FGFR2: variants seen among roughly 807,000 people sequenced by gnomAD.
The protein encoded by FGFR2 is BEK fibroblast growth factor receptor.
Under a neutral mutation model 95.9 loss-of-function variants are expected in FGFR2, and 19 were observed. That is an observed-to-expected ratio of 0.20 (90% CI 0.14 to 0.29). FGFR2 has a LOEUF of 0.29. Among genes scored for constraint, FGFR2 ranks in the 10% least tolerant of loss-of-function variants. The pLI is 1.00. For missense variants in FGFR2, 707 were observed against 1,056.9 expected, an observed-to-expected ratio of 0.67 and a Z score of 4.59; for synonymous variants, 392 against 393.3, an observed-to-expected ratio of 1.00 and a Z score of 0.04.
rs1281483681 is a variant in FGFR2 at position 121,564,559 on chromosome 10, C to T, written c.397G>A (p.Asp133Asn). 4 of 1,614,080 alleles carry T rather than the reference C, an allele frequency of 2.5e-6. No individual in the cohort carries two copies. The highest frequency in any genetic ancestry group is 1.7e-5 in the Admixed American group (1 of 60,024). ...NVTDAISSGDDEDDTDGAEDF... is the reference protein window; with the variant it reads ...NVTDAISSGDNEDDTDGAEDF... Reference sequence around the variant, plus strand: ...TCCGCACCATCGGTGTCATCCTCATCATCTCCGGATGAGATGGCATCTGTA... The same window carrying T: ...TCCGCACCATCGGTGTCATCCTCATTATCTCCGGATGAGATGGCATCTGTA... Residue 133 changes from aspartate to asparagine, a missense_variant, in exon 4 of 18, where the codon GAT (aspartate) becomes AAT (asparagine). This residue lies in a region of FGFR2 where 178 missense variants were observed against 194.1 expected (regional missense o/e 0.92). Coordinates refer to ENST00000358487, the MANE Select transcript of FGFR2 (RefSeq NM_000141.5).
chr10:121,560,260 C>A (rs571288795), intron 4 of FGFR2, among the ~76,000 whole-genome samples: 1 of 152,242 alleles, frequency 6.6e-6, no homozygotes, highest in Admixed American at 6.5e-5. Context: ...CAGCACAGAG[C>A]CTGTCTAGTG....
chr10:121,484,912 G>GACTA (rs1475558463), intron 16 of FGFR2, among the ~76,000 whole-genome samples: 107 of 152,334 alleles, frequency 7.0e-4, no homozygotes, highest in African/African-American at 2.5e-3. Flanking sequence ...GAGAAGTTCT[G>GACTA]GAAACACCGA....
At chr10:121,545,290 A>G (rs1239709291) in intron 5 of FGFR2, among the ~76,000 whole-genome samples, 1 of 152,248 alleles carries the variant, frequency 6.6e-6, no homozygotes, top group Non-Finnish European at 1.5e-5. Context: ...CTCATTCAAC[A>G]GCAACAGTGT....
rs61731218 is a variant in FGFR2 at position 121,487,410 on chromosome 10, G to C, written c.2001C>G (p.Val667=). The C allele has an allele frequency of 3.1e-4, 497 of 1,614,060 alleles. 3 individuals carry two copies. The African/African-American group carries it at 6.1e-3, about 20-fold the overall frequency. The stretch of plus-strand genomic sequence containing the variant: ...ACAGGGCTTCTGGAGCCATCCACTT[G>C]ACTGGAAGCCGCCCCTGCAAATGTA... ...YKKTTNGRLP[V]KWMAPEALFD... Residue 667 remains valine, a synonymous_variant, in exon 15 of 18, where the codon GTC becomes GTG. Transcript: ENST00000358487.
chr10:121,519,875 G>A (rs1485382947), intron 7 of FGFR2, 104 bp downstream of exon 7: 3 of 1,105,168 alleles, frequency 2.7e-6, no homozygotes, highest in Non-Finnish European at 2.7e-6. Context: ...AGTCAAAAAA[G>A]AGAATCATCC....
chr10:121,581,069 C>A (rs1860779297), intron 2 of FGFR2, among the ~76,000 whole-genome samples: 1 of 152,238 alleles, frequency 6.6e-6, no homozygotes, highest in Non-Finnish European at 1.5e-5. Context: ...TGGCAAGAAA[C>A]TCTGCCAATT....
Position 121,552,059 on chromosome 10 carries a change from T to A in FGFR2, c.455-600A>T, listed in dbSNP as rs41302323. On this transcript the variant is annotated intron_variant, in intron 4 of 17. Coordinates refer to ENST00000358487, the MANE Select transcript of FGFR2 (RefSeq NM_000141.5). ...ACTGTATCACTAAATACATACTAAC[T>A]TTTTTAATTAAAAAAAAAATTTCTT... is the stretch of plus-strand genomic sequence containing the variant. Among the ~76,000 whole-genome samples, 664 of 152,164 alleles carry A rather than the reference T, an allele frequency of 4.4e-3. 3 individuals carry two copies. The highest frequency in any genetic ancestry group is 7.3e-3 in the Non-Finnish European group (496 of 68,014).
At chr10:121,521,475 A>G (rs1395367617) in intron 6 of FGFR2, among the ~76,000 whole-genome samples, 1 of 152,238 alleles carries the variant, frequency 6.6e-6, no homozygotes, top group African/African-American at 2.4e-5. Context: ...ATACCCATGG[A>G]AAAATGGGCT....
chr10:121,551,582 G>A (rs753226036), intron 4 of FGFR2, 123 bp from the exon 5 acceptor site: 178 of 922,540 alleles, frequency 1.9e-4, no homozygotes, highest in Non-Finnish European at 2.8e-4. Flanking sequence ...TAAATCTTTG[G>A]GTAATATTTA....
chr10:121,570,384 G>C (rs573327878), intron 2 of FGFR2, among the ~76,000 whole-genome samples: 66 of 152,204 alleles, frequency 4.3e-4, no homozygotes, highest in Non-Finnish European at 1.9e-4. Flanking sequence ...CCCTGTGCCT[G>C]CATGTGCAAA....
intron 2 of FGFR2, among the ~76,000 whole-genome samples, chr10:121,576,382 C>T (rs1859762247): frequency 1.3e-5 from 2 of 152,216 alleles, no homozygotes; most frequent in African/African-American, 4.8e-5. Flanking sequence ...CCCGAGCCTC[C>T]TACCTTCTGA....
Position 121,479,775 on chromosome 10 carries a change from A to G in FGFR2, c.*82T>C, listed in dbSNP as rs2133674972. The G allele has an allele frequency of 6.2e-7, 1 of 1,613,104 alleles. No individual in the cohort carries two copies. The highest frequency in any genetic ancestry group is 8.5e-7 in the Non-Finnish European group (1 of 1,179,136). On this transcript the variant is annotated 3_prime_UTR_variant, in exon 18 of 18. Coordinates refer to ENST00000358487, the MANE Select transcript of FGFR2 (RefSeq NM_000141.5). ...TCCATATATACAAGTGGAGACAACA[A>G]GCTCTGGGAGGCATGGTCTCCCTGC...
At chr10:121,545,168 A>C (rs1007060477) in intron 5 of FGFR2, among the ~76,000 whole-genome samples, 1 of 152,190 alleles carries the variant, frequency 6.6e-6, no homozygotes, top group Non-Finnish European at 1.5e-5. Context: ...AATAACCCAC[A>C]GAGGTCTTGG....
At chr10:121,525,176 T>G (rs1026263275) in intron 6 of FGFR2, among the ~76,000 whole-genome samples, 1 of 152,172 alleles carries the variant, frequency 6.6e-6, no homozygotes, top group Non-Finnish European at 1.5e-5. Flanking sequence ...TATACACATA[T>G]AAGAATAGAC....
chr10:121,533,796 G>T (rs1469808727), intron 6 of FGFR2, among the ~76,000 whole-genome samples: 1 of 152,144 alleles, frequency 6.6e-6, no homozygotes, highest in Admixed American at 6.5e-5. Flanking sequence ...TAGGCGTGGA[G>T]AACACCCAGA....
intron 2 of FGFR2, among the ~76,000 whole-genome samples, chr10:121,579,741 G>A (rs1054693697): frequency 1.3e-4 from 20 of 152,106 alleles, no homozygotes; most frequent in Non-Finnish European, 2.5e-4. Flanking sequence ...ACAGCATGCC[G>A]AGAATAACCC....
intron 9 of FGFR2, among the ~76,000 whole-genome samples, chr10:121,513,530 T>C (rs1419306823): frequency 6.6e-6 from 1 of 152,168 alleles, no homozygotes; most frequent in Non-Finnish European, 1.5e-5. Flanking sequence ...CTATGCCAAA[T>C]TACAAGTTGC....
intron 10 of FGFR2, among the ~76,000 whole-genome samples, chr10:121,502,123 G>A (rs979047108): frequency 6.6e-6 from 1 of 152,170 alleles, no homozygotes; most frequent in African/African-American, 2.4e-5. Flanking sequence ...GTCACAGGTG[G>A]CAAAAACTAT....
At chr10:121,520,240 C>T in intron 6 of FGFR2, 71 bp from the exon 7 acceptor site, 2 of 1,474,444 alleles carry the variant, frequency 1.4e-6, no homozygotes, top group African/African-American at 1.4e-5. Flanking sequence ...GCTGTGTTGT[C>T]CAGAGGGCTG....
Sources: allele counts gnomAD v4.1 joint callset (sites outside exome capture counted in the v4.1 genomes callset), GRCh38; gene constraint gnomAD v4.1.1; regional missense constraint gnomAD v4.1.1; transcripts MANE v1.5; gene names NCBI Gene and HGNC (gene_info 2026-07-23, HGNC 2026-07-21).